Variants in JADE3 observed in about 807,000 individuals in gnomAD.
JADE3 encodes the protein protein Jade-3.
JADE3 carries 2 observed loss-of-function variants against 50.1 expected under a neutral mutation model. The observed-to-expected ratio is 0.04, with a 90% confidence interval of 0.02 to 0.13. The LOEUF (loss-of-function observed/expected upper bound fraction) is 0.13, where lower values mean the gene tolerates loss of function less well. Among genes scored for constraint, JADE3 ranks in the 10% least tolerant of loss-of-function variants. The probability of loss-of-function intolerance (pLI) is 1.00; values close to 1 mark genes in which losing one functional copy is unlikely to be tolerated. For missense variants in JADE3, 475 were observed against 634.4 expected (o/e 0.75, Z 2.70); for synonymous variants, 218 against 232.9 (o/e 0.94, Z 0.58).
rs539996502 is a variant in JADE3 at position 46,951,153 on chromosome X, A to G, written c.-11-33731A>G. 1.6e-4 allele frequency among the ~76,000 whole-genome samples: 17 copies of G among 106,579 alleles called. No homozygotes were observed. In the South Asian group the frequency reaches 6.7e-3, roughly 42 times the overall value. 92.6% of individuals were successfully genotyped at this position (106,579 alleles called of 115,157 possible). ...TAGTGCAGTGGCACAGTCTCGGCTC[A>G]CTGCAACCTCCGCCTCCCGGGTTCA... On this transcript the variant is annotated intron_variant, in intron 1 of 10. Transcript: ENST00000614628.
chrX:46,998,697 T>G (rs1406235333), intron 4 of JADE3, among the ~76,000 whole-genome samples: 2 of 110,640 alleles, frequency 1.8e-5, no homozygotes, highest in Admixed American at 1.9e-4. Flanking sequence ...TTTGTTTGTT[T>G]GTTTATTTAT....
chrX:46,998,601 A>C (rs1928194517), intron 4 of JADE3, among the ~76,000 whole-genome samples: 1 of 111,378 alleles, frequency 9.0e-6, no homozygotes, highest in African/African-American at 3.3e-5. Context: ...GTCTTCTGAG[A>C]GAAACAGAAT....
chrX:46,962,163 A>C (rs1176957487), intron 1 of JADE3, among the ~76,000 whole-genome samples: 2 of 111,370 alleles, frequency 1.8e-5, no homozygotes, highest in African/African-American at 6.5e-5. Flanking sequence ...AAACTGCCTC[A>C]CCACTCTAGT....
intron 3 of JADE3, 32 bp from the exon 4 acceptor site, chrX:46,998,085 ATGG>A (rs1556357874): frequency 8.7e-7 from 1 of 1,153,216 alleles, no homozygotes; most frequent in Non-Finnish European, 1.2e-6. Context: ...TTGCATAGTG[ATGG>A]TCTTCTCAAG....
intron 1 of JADE3, among the ~76,000 whole-genome samples, chrX:46,936,432 T>C (rs1926626575): frequency 8.9e-6 from 1 of 111,880 alleles, no homozygotes; most frequent in African/African-American, 3.2e-5. Context: ...ATGAGGGATA[T>C]TGGTCTGTAG....
chrX:46,973,485 T>C (rs1215772880), intron 1 of JADE3, among the ~76,000 whole-genome samples: 1 of 112,687 alleles, frequency 8.9e-6, no homozygotes, highest in Non-Finnish European at 1.9e-5. Context: ...CAGTGACATA[T>C]GTAGAATATG....
intron 1 of JADE3, among the ~76,000 whole-genome samples, chrX:46,928,586 T>G (rs181482328): frequency 1.6e-4 from 18 of 111,800 alleles, no homozygotes; most frequent in African/African-American, 5.5e-4. Context: ...TTATTTGTGT[T>G]TTTTGGTTTT....
chrX:46,955,498 T>TAA, intron 1 of JADE3, among the ~76,000 whole-genome samples: 1 of 112,504 alleles, frequency 8.9e-6, no homozygotes, highest in East Asian at 2.8e-4. Context: ...CTCTTGCCTA[T>TAA]AATAACTATT....
intron 7 of JADE3, among the ~76,000 whole-genome samples, chrX:47,034,019 C>T (rs1013419977): frequency 1.0e-4 from 11 of 110,200 alleles, no homozygotes; most frequent in Non-Finnish European, 1.9e-4. Context: ...GGATAATACC[C>T]GAATATATAC....
At chrX:46,917,799 G>C (rs868948558) in intron 1 of JADE3, among the ~76,000 whole-genome samples, 52 of 62,469 alleles carry the variant, frequency 8.3e-4, no homozygotes, top group African/African-American at 3.2e-3. Context: ...TGGGAGGTCT[G>C]TCTCTCTCTC....
At chrX:47,034,382 G>T (rs782393845) in intron 7 of JADE3, among the ~76,000 whole-genome samples, 13 of 110,886 alleles carry the variant, frequency 1.2e-4, no homozygotes, top group Non-Finnish European at 2.3e-4. Flanking sequence ...ACTTCATACA[G>T]TATGTATTTT....
intron 5 of JADE3, among the ~76,000 whole-genome samples, chrX:47,025,701 G>A (rs782729335): frequency 2.7e-5 from 3 of 112,104 alleles, no homozygotes; most frequent in South Asian, 3.7e-4. Flanking sequence ...AGTCTAAGCA[G>A]TGTTCACGTC....
intron 1 of JADE3, among the ~76,000 whole-genome samples, chrX:46,929,228 A>C (rs782679204): frequency 8.9e-6 from 1 of 112,393 alleles, no homozygotes; most frequent in South Asian, 3.7e-4. Context: ...GTCTCACATG[A>C]AACTTATACA....
chrX:46,916,439 G>A (rs1446302440), intron 1 of JADE3, among the ~76,000 whole-genome samples: 1 of 111,964 alleles, frequency 8.9e-6, no homozygotes, highest in African/African-American at 3.2e-5. Flanking sequence ...CAGAACAGTG[G>A]TGGTGAGGCA....
Position 46,984,946 on chromosome X carries a change from T to A in JADE3, c.46+6T>A. The A allele has an allele frequency of 8.4e-7, 1 of 1,195,669 alleles. No homozygotes were observed. The highest frequency in any genetic ancestry group is 2.3e-4 in the Middle Eastern group (1 of 4,303). ...CAGTGACAGTTCAGACGAAAGTGAG[T>A]AGAACCGGCTGGCAGCTGGTAACCT... On this transcript the variant is annotated splice_donor_region_variant and intron_variant, in intron 2 of 10. Transcript: ENST00000614628.
chrX:46,988,077 A>G (rs151102382), intron 3 of JADE3, among the ~76,000 whole-genome samples: 1,285 of 111,520 alleles, frequency 0.012, 23 homozygotes, highest in African/African-American at 0.04. Context: ...ATGTGCCAAA[A>G]GCTTTACATT....
chrX:46,982,542 A>G (rs782451368), intron 1 of JADE3, among the ~76,000 whole-genome samples: 1 of 111,357 alleles, frequency 9.0e-6, no homozygotes, highest in Non-Finnish European at 1.9e-5. Flanking sequence ...TGGATAATAT[A>G]TTGTAACAAT....
chrX:47,002,942 T>C (rs1928320936), intron 4 of JADE3, among the ~76,000 whole-genome samples: 1 of 111,494 alleles, frequency 9.0e-6, no homozygotes, highest in South Asian at 3.7e-4. Context: ...GGGTTTTTCA[T>C]AGATATTCTT....
At chrX:46,940,154 G>T (rs1324028870) in intron 1 of JADE3, among the ~76,000 whole-genome samples, 2 of 112,489 alleles carry the variant, frequency 1.8e-5, no homozygotes, top group African/African-American at 6.4e-5. Flanking sequence ...TCTGAACTGT[G>T]TGAAAAGGGT....
Sources: allele counts gnomAD v4.1 joint callset (sites outside exome capture counted in the v4.1 genomes callset), GRCh38; gene constraint gnomAD v4.1.1; transcripts MANE v1.5; gene names NCBI Gene and HGNC (gene_info 2026-07-23, HGNC 2026-07-21).